Variants in HCN1 observed in about 807,000 individuals in gnomAD.
HCN1 encodes potassium/sodium hyperpolarization-activated cyclic nucleotide-gated channel 1.
In HCN1, 13 loss-of-function variants were observed where a neutral mutation model predicts 78.9. The observed-to-expected ratio is 0.16, with a 90% CI of 0.11 to 0.26. The LOEUF (loss-of-function observed/expected upper bound fraction) is 0.26. Ranked by LOEUF, HCN1 falls within the 10% of genes least tolerant of loss-of-function variation. The pLI is 1.00. For synonymous variants in HCN1, 552 were observed against 455.5 expected (o/e 1.21, Z -2.70); for missense variants, 810 against 1,154.3 (o/e 0.70, Z 4.32).
chr5:45,269,670 C>G (rs1744924368), intron 6 of HCN1, among the ~76,000 whole-genome samples: 1 of 152,150 alleles, frequency 6.6e-6, no homozygotes, highest in Admixed American at 6.5e-5. Flanking sequence ...TTCTCCCTCT[C>G]ATTCAATTGC....
At chr5:45,535,999 T>C (rs963976550) in intron 2 of HCN1, among the ~76,000 whole-genome samples, 2 of 152,138 alleles carry the variant, frequency 1.3e-5, no homozygotes, top group African/African-American at 2.4e-5. Flanking sequence ...AGTGTTTTGG[T>C]TGTTGTTTTT....
At chr5:45,643,102 G>C (rs1377153393) in intron 2 of HCN1, 1 of 152,050 alleles carries the variant, frequency 6.6e-6, no homozygotes, top group African/African-American at 2.4e-5. Flanking sequence ...TGATAGCAGT[G>C]AGCTGATGTT....
Position 45,270,647 on chromosome 5 carries a change from T to G in HCN1, c.1619-3394A>C, listed in dbSNP as rs1315411351. 2.0e-5 allele frequency among the ~76,000 whole-genome samples: 3 copies of G among 152,162 alleles called. No homozygotes were observed. In the South Asian group the frequency reaches 6.2e-4, roughly 32 times the overall value. ...TATTCTTTTACTATTATTAATTGGG[T>G]CTCTGTAGAGGGATGAGATAAAGGC... On this transcript the variant is annotated intron_variant, in intron 6 of 7. Coordinates refer to ENST00000303230, the MANE Select transcript of HCN1 (RefSeq NM_021072.4).
chr5:45,275,247 G>GAAA (rs779327836), intron 6 of HCN1, among the ~76,000 whole-genome samples: 2 of 103,750 alleles, frequency 1.9e-5, no homozygotes, highest in African/African-American at 7.0e-5. Context: ...CTCTGTCTCA[G>GAAA]AAAAAAAAAA....
intron 5 of HCN1, among the ~76,000 whole-genome samples, chr5:45,352,575 G>C (rs1286368156): frequency 6.6e-6 from 1 of 151,882 alleles, no homozygotes; most frequent in Admixed American, 6.6e-5. Flanking sequence ...AAGTTATTTT[G>C]GTCCAGGAGT....
chr5:45,275,581 C>T (rs943799409), intron 6 of HCN1, among the ~76,000 whole-genome samples: 13 of 152,078 alleles, frequency 8.5e-5, no homozygotes, highest in African/African-American at 3.1e-4. Context: ...ACTCCTTCAG[C>T]TTGCATAAAA....
chr5:45,537,729 A>C (rs1250420402), intron 2 of HCN1, among the ~76,000 whole-genome samples: 1 of 147,126 alleles, frequency 6.8e-6, no homozygotes, highest in African/African-American at 2.5e-5. Flanking sequence ...TCTTTTATTC[A>C]CTCTGTTACC....
intron 2 of HCN1, among the ~76,000 whole-genome samples, chr5:45,585,427 G>A (rs1022041754): frequency 2.0e-5 from 3 of 152,132 alleles, no homozygotes; most frequent in South Asian, 2.1e-4. Context: ...TTAGCCATTC[G>A]TCTAATTTTT....
In HCN1 at chr5:45,444,149, T is replaced by C. The variant is rs537714216; in HGVS notation, c.1011+17697A>G. On this transcript the variant is annotated intron_variant, in intron 3 of 7. Transcript: ENST00000303230. The stretch of plus-strand genomic sequence containing the variant: ...ACACTTTTGGCAGGTTTTTATAATA[T>C]GAAGGTGTACTTTACTGCTTTCTTA... Among the ~76,000 whole-genome samples the C allele has an allele frequency of 5.3e-5, 8 of 152,320 alleles. No homozygotes were observed. In the South Asian group the frequency reaches 1.0e-3, roughly 20 times the overall value.
intron 2 of HCN1, among the ~76,000 whole-genome samples, chr5:45,467,349 TA>T (rs1209854919): frequency 6.6e-6 from 1 of 152,120 alleles, no homozygotes; most frequent in Non-Finnish European, 1.5e-5. Flanking sequence ...TCCAGCTATA[TA>T]AAAAATTATT....
At chr5:45,297,657 C>A (rs1480218875) in intron 6 of HCN1, among the ~76,000 whole-genome samples, 1 of 151,962 alleles carries the variant, frequency 6.6e-6, no homozygotes, top group Non-Finnish European at 1.5e-5. Context: ...AAGCACATTA[C>A]ATGAATAAAA....
At position 45,353,156 on chromosome 5, in the gene HCN1, C is replaced by G; in HGVS notation, c.1321G>C (p.Gly441Arg). The change falls in exon 5 of 8, where the codon GGC (glycine) becomes CGC (arginine). Residue 441 changes from glycine to arginine, a missense_variant. By Grantham distance (125) the Gly-to-Arg change is moderately radical (BLOSUM62 -2). Around this residue, in one of 6 missense-constraint regions of HCN1, gnomAD observed 100 missense variants for 126.8 expected, o/e 0.79. Transcript: ENST00000303230. ...IHDYYEHRYQ[G>R]KIFDEENILN... is the part of the protein sequence containing the mutation. The stretch of plus-strand genomic sequence containing the variant: ...ATATTTTCCTCATCAAAGATTTTGC[C>G]TTGGTATCTGTGTTCATAGTAATCA... 6.2e-7 allele frequency: 1 copy of G among 1,611,558 alleles called. No homozygotes were observed. The highest frequency in any genetic ancestry group is 8.5e-7 in the Non-Finnish European group (1 of 1,178,418).
intron 2 of HCN1, among the ~76,000 whole-genome samples, chr5:45,603,276 T>C (rs1744661014): frequency 6.6e-6 from 1 of 152,068 alleles, no homozygotes; most frequent in Non-Finnish European, 1.5e-5. Context: ...TTCAAGTATA[T>C]ACTTTAAGAT....
intron 2 of HCN1, among the ~76,000 whole-genome samples, chr5:45,504,237 C>T (rs2111740764): frequency 6.6e-6 from 1 of 152,222 alleles, no homozygotes; most frequent in East Asian, 1.9e-4. Context: ...TCTCCTAATG[C>T]TTTCCCTCCC....
intron 4 of HCN1, among the ~76,000 whole-genome samples, chr5:45,394,403 A>T (rs1194797323): frequency 6.6e-6 from 1 of 152,202 alleles, no homozygotes; most frequent in Admixed American, 6.5e-5. Context: ...AAATAAAAAG[A>T]TAATAATTTA....
At chr5:45,277,367 A>G (rs751929466) in intron 6 of HCN1, among the ~76,000 whole-genome samples, 10 of 152,124 alleles carry the variant, frequency 6.6e-5, no homozygotes, top group Non-Finnish European at 1.2e-4. Flanking sequence ...TGTAGCACTG[A>G]CAACAGAAGT....
chr5:45,519,721 C>T (rs1015574944), intron 2 of HCN1, among the ~76,000 whole-genome samples: 1 of 151,836 alleles, frequency 6.6e-6, no homozygotes, highest in Non-Finnish European at 1.5e-5. Context: ...TTCATTGAAA[C>T]CTGTCTTGGA....
intron 2 of HCN1, among the ~76,000 whole-genome samples, chr5:45,476,127 A>G (rs1036995213): frequency 2.0e-5 from 3 of 152,292 alleles, no homozygotes; most frequent in Middle Eastern, 6.8e-3. Context: ...GGTCAATGCC[A>G]CAAAGCTCTT....
intron 5 of HCN1, among the ~76,000 whole-genome samples, chr5:45,342,563 T>C (rs770157806): frequency 1.3e-5 from 2 of 152,106 alleles, no homozygotes; most frequent in Non-Finnish European, 2.9e-5. Flanking sequence ...TTTAACAAAA[T>C]ATAAAAAATT....
Sources: gnomAD v4.1 joint callset for allele counts (sites outside exome capture counted in the v4.1 genomes callset) on GRCh38, gnomAD v4.1.1 for gene constraint, gnomAD v4.1.1 regional missense constraint, MANE v1.5 for transcripts, NCBI Gene and HGNC (gene_info 2026-07-23, HGNC 2026-07-21) for gene names.